Variants in IPO11 observed in about 807,000 individuals in gnomAD.
IPO11 encodes the protein importin 11, also known as importin-11.
Under a neutral mutation model 143.2 loss-of-function variants are expected in IPO11, and 66 were observed. The ratio of observed to expected loss-of-function variants is 0.46; its 90% CI spans 0.38 to 0.57. The LOEUF (loss-of-function observed/expected upper bound fraction) is 0.57, where lower values mean the gene tolerates loss of function less well. IPO11 is among the 20% of genes least tolerant of loss of function. IPO11 has a pLI of 0.00. For missense variants in IPO11, 1,026 were observed against 1,141.0 expected, an observed-to-expected ratio of 0.90 and a Z score of 1.45; for synonymous variants, 385 against 377.8, an observed-to-expected ratio of 1.02 and a Z score of -0.22.
At chr5:62,544,393 A>G (rs1561356229) in intron 24 of IPO11, among the ~76,000 whole-genome samples, 2 of 152,126 alleles carry the variant, frequency 1.3e-5, no homozygotes, top group African/African-American at 4.8e-5. Context: ...GCCTTTGACA[A>G]AATTCAGCCC....
At chr5:62,553,238 C>G (rs565995863) in intron 26 of IPO11, among the ~76,000 whole-genome samples, 56 of 152,222 alleles carry the variant, frequency 3.7e-4, no homozygotes, top group African/African-American at 1.2e-3. Flanking sequence ...GCTTATTTCA[C>G]TTAACATAAG....
At chr5:62,572,572 T>TATTTATTG (rs922942088) in intron 27 of IPO11, among the ~76,000 whole-genome samples, 1 of 151,384 alleles carries the variant, frequency 6.6e-6, no homozygotes, top group African/African-American at 2.4e-5. Flanking sequence ...TTTATTTATT[T>TATTTATTG]ATTTATTTAT....
At position 62,562,880 on chromosome 5, in the gene IPO11, G is replaced by T. The variant is rs1414082295; in HGVS notation, c.2582+1623G>T. 2.0e-5 allele frequency among the ~76,000 whole-genome samples: 3 copies of T among 152,226 alleles called. No homozygotes were observed. The East Asian group carries it at 5.8e-4, about 29-fold the overall frequency. ...ATACTTTCCTAAGTGCTTTATGTTGGTAATTTAATTCTTAAAACAGCCCGA... is the reference window on the plus strand; with the variant it reads ...ATACTTTCCTAAGTGCTTTATGTTGTTAATTTAATTCTTAAAACAGCCCGA... On this transcript the variant is annotated intron_variant, in intron 27 of 29. Coordinates refer to ENST00000325324, the MANE Select transcript of IPO11 (RefSeq NM_016338.5).
intron 21 of IPO11, 47 bp from the exon 22 acceptor site, chr5:62,530,662 T>G (rs1335782846): frequency 8.2e-7 from 1 of 1,215,274 alleles, no homozygotes; most frequent in East Asian, 2.3e-5. Context: ...TGTTAATGGC[T>G]TTAATGGGCA....
chr5:62,623,788 G>GT (rs1392750749), intron 29 of IPO11, among the ~76,000 whole-genome samples: 1 of 150,784 alleles, frequency 6.6e-6, no homozygotes, highest in Non-Finnish European at 1.5e-5. Flanking sequence ...CTAATTTTTT[G>GT]TATTTTTCTA....
intron 26 of IPO11, among the ~76,000 whole-genome samples, chr5:62,556,420 G>A (rs1743578382): frequency 6.6e-6 from 1 of 152,194 alleles, no homozygotes; most frequent in African/African-American, 2.4e-5. Flanking sequence ...TTACTGCTTG[G>A]TAACTTTGAA....
intron 19 of IPO11, among the ~76,000 whole-genome samples, chr5:62,510,308 A>G (rs957507784): frequency 6.6e-6 from 1 of 152,312 alleles, no homozygotes; most frequent in Middle Eastern, 3.4e-3. Context: ...TCAAACCTCC[A>G]AAAAGTTATA....
intron 9 of IPO11, among the ~76,000 whole-genome samples, chr5:62,477,511 T>G (rs988507949): frequency 6.6e-6 from 1 of 152,198 alleles, no homozygotes; most frequent in Admixed American, 6.5e-5. Flanking sequence ...TGTCTTCGTT[T>G]CTCTTGTTCC....
intron 16 of IPO11, among the ~76,000 whole-genome samples, chr5:62,501,342 A>G (rs1741342909): frequency 6.6e-6 from 1 of 152,228 alleles, no homozygotes. Flanking sequence ...TATACTCATC[A>G]AATATAAATT....
chr5:62,486,703 G>T (rs925285008), intron 12 of IPO11, among the ~76,000 whole-genome samples: 3 of 152,054 alleles, frequency 2.0e-5, no homozygotes, highest in African/African-American at 7.2e-5. Context: ...GATTACTGGT[G>T]ATTTTAAAAC....
rs1743754489 is a variant in IPO11, at chr5:62,561,118, C to T, written c.2461-18C>T. 1 of 1,593,926 alleles carries T rather than the reference C, an allele frequency of 6.3e-7. No homozygotes were observed. The highest frequency in any genetic ancestry group is 1.1e-5 in the South Asian group (1 of 87,816). ...ACATATTTTAGGTATTTTGAGATGC[C>T]TCCTCCTCTTGTTTCAGATGGACCA... On this transcript the variant is annotated intron_variant, in intron 26 of 29. Coordinates refer to ENST00000325324, the MANE Select transcript of IPO11 (RefSeq NM_016338.5).
chr5:62,442,001 A>G (rs1375289335), intron 2 of IPO11, among the ~76,000 whole-genome samples: 1 of 150,772 alleles, frequency 6.6e-6, no homozygotes, highest in African/African-American at 2.4e-5. Flanking sequence ...ATGCGCCACC[A>G]TGCCCAGCTA....
chr5:62,505,048 T>C (rs986967041), intron 18 of IPO11, 150 bp downstream of exon 18: 4 of 454,166 alleles, frequency 8.8e-6, no homozygotes, highest in Non-Finnish European at 1.5e-5. Flanking sequence ...AGGACATAAT[T>C]TTTATTTGTA....
chr5:62,627,829 C>T lies in IPO11; in HGVS notation c.*511C>T, dbSNP rs1746639517. On this transcript the variant is annotated 3_prime_UTR_variant, in exon 30 of 30. Coordinates refer to ENST00000325324, the MANE Select transcript of IPO11 (RefSeq NM_016338.5). Reference sequence around the variant, plus strand: ...ATAAATAGTGACAAATACACATTACCAAGCTTATCTTGCAAGGGAGTTATT... The same window carrying T: ...ATAAATAGTGACAAATACACATTACTAAGCTTATCTTGCAAGGGAGTTATT... 1 of 152,492 alleles carries T rather than the reference C, an allele frequency of 6.6e-6. No homozygotes were observed. The highest frequency in any genetic ancestry group is 2.4e-5 in the African/African-American group (1 of 41,398). The allele number at this position is 152,492 out of a possible 1,614,324, so 9.4% of individuals were successfully genotyped here. A position where few individuals can be genotyped will look rare whatever the true frequency, so the allele number is the denominator to read the frequency against.
rs2112169517 is a variant in IPO11 at position 62,455,639 on chromosome 5, C to T, written c.516+3706C>T. On this transcript the variant is annotated intron_variant, in intron 5 of 29. Coordinates refer to ENST00000325324, the MANE Select transcript of IPO11 (RefSeq NM_016338.5). ...AGTGTGCCTCAACAATTGTTATAACCTTTCCTCCTCTGTGTTAAAATAAGT... is the reference window on the plus strand; with the variant it reads ...AGTGTGCCTCAACAATTGTTATAACTTTTCCTCCTCTGTGTTAAAATAAGT... Among the ~76,000 whole-genome samples the T allele has an allele frequency of 1.3e-5, 2 of 152,298 alleles. 1 individual carries two copies. The highest frequency in any genetic ancestry group is 6.8e-3 in the Middle Eastern group (2 of 294).
chr5:62,415,223 G>A (rs1743247946), intron 1 of IPO11, among the ~76,000 whole-genome samples: 2 of 152,224 alleles, frequency 1.3e-5, no homozygotes, highest in South Asian at 4.1e-4. Context: ...GAGTGCAGTG[G>A]CGTGATCTCT....
chr5:62,602,737 A>G (rs1745552590), intron 29 of IPO11, among the ~76,000 whole-genome samples: 1 of 152,192 alleles, frequency 6.6e-6, no homozygotes, highest in African/African-American at 2.4e-5. Flanking sequence ...GTTTGAATTT[A>G]ACTCATTTTA....
At chr5:62,418,322 T>C (rs1743375630) in intron 1 of IPO11, among the ~76,000 whole-genome samples, 1 of 152,128 alleles carries the variant, frequency 6.6e-6, no homozygotes, top group African/African-American at 2.4e-5. Flanking sequence ...TGCGCCACCA[T>C]GCCTGGCTAA....
In IPO11 at chr5:62,504,662, T is replaced by C. The variant is rs1741483003; in HGVS notation, c.1591-5T>C. On this transcript the variant is annotated splice_region_variant and splice_polypyrimidine_tract_variant and intron_variant, in intron 16 of 29. Transcript: ENST00000325324. ...ATTAAAAACTAATGATATACTTTCT[T>C]TTAGGTCCGTATTGAAACAGCTACA... The C allele has an allele frequency of 6.9e-7, 1 of 1,448,952 alleles. No homozygotes were observed. Among genetic ancestry groups the C allele is most frequent in the South Asian group, 1.3e-5 (1 of 78,626 alleles). The allele number at this position is 1,448,952 out of a possible 1,614,324, so 89.8% of individuals were successfully genotyped here. A position where few individuals can be genotyped will look rare whatever the true frequency, so the allele number is the denominator to read the frequency against.
Sources: allele counts gnomAD v4.1 joint callset (sites outside exome capture counted in the v4.1 genomes callset), GRCh38; gene constraint gnomAD v4.1.1; transcripts MANE v1.5; gene names NCBI Gene and HGNC (gene_info 2026-07-23, HGNC 2026-07-21).